TNS3: variants seen among roughly 807,000 people sequenced by gnomAD.
TNS3 encodes the protein tensin 3.
A neutral mutation model predicts 140.9 loss-of-function variants in TNS3; 45 were observed. The observed-to-expected ratio is 0.32, with a 90% CI of 0.25 to 0.41. The LOEUF (loss-of-function observed/expected upper bound fraction) is 0.41, where lower values mean the gene tolerates loss of function less well. Ranked by LOEUF, TNS3 falls within the 10% of genes least tolerant of loss-of-function variation. TNS3 has a pLI of 1.00. For missense variants in TNS3, 1,716 were observed against 1,906.7 expected, an observed-to-expected ratio of 0.90 and a Z score of 1.86; for synonymous variants, 815 against 788.4, an observed-to-expected ratio of 1.03 and a Z score of -0.56.
intron 10 of TNS3, among the ~76,000 whole-genome samples, chr7:47,421,148 G>T (rs1465627246): frequency 6.6e-6 from 1 of 152,172 alleles, no homozygotes; most frequent in Non-Finnish European, 1.5e-5. Context: ...AGAAACATGT[G>T]CTGCTGTCTC....
chr7:47,379,192 G>T (rs1346446048), intron 16 of TNS3, among the ~76,000 whole-genome samples: 1 of 152,188 alleles, frequency 6.6e-6, no homozygotes, highest in Non-Finnish European at 1.5e-5. Flanking sequence ...ATCCCTGGAG[G>T]CCTGGTAGGG....
chr7:47,472,450 C>T (rs961035360), intron 4 of TNS3, among the ~76,000 whole-genome samples: 2 of 152,216 alleles, frequency 1.3e-5, no homozygotes, highest in Non-Finnish European at 2.9e-5. Flanking sequence ...CCCTCCTTCA[C>T]TGGTACTCAC....
At chr7:47,395,627 G>A (rs919872076) in intron 16 of TNS3, among the ~76,000 whole-genome samples, 6 of 152,078 alleles carry the variant, frequency 3.9e-5, no homozygotes, top group East Asian at 1.9e-4. Context: ...TTCTTTTAAC[G>A]TGCTGGTTAT....
chr7:47,486,366 G>A (rs960609539), intron 3 of TNS3, among the ~76,000 whole-genome samples: 7 of 152,022 alleles, frequency 4.6e-5, no homozygotes, highest in African/African-American at 9.7e-5. Flanking sequence ...ATGTGAGAGC[G>A]TGTCTGTGTG....
chr7:47,567,177 C>A (rs1225594174), intron 1 of TNS3, among the ~76,000 whole-genome samples: 2 of 152,042 alleles, frequency 1.3e-5, no homozygotes, highest in Admixed American at 1.3e-4. Context: ...TCATACTGTG[C>A]AACAATCTAC....
intron 20 of TNS3, among the ~76,000 whole-genome samples, chr7:47,315,428 C>T (rs1356390605): frequency 2.6e-5 from 4 of 152,214 alleles, no homozygotes; most frequent in Admixed American, 2.0e-4. Context: ...GTCTATGCTC[C>T]TCTCCTCTCG....
At chr7:47,359,773 C>T (rs1287893945) in intron 17 of TNS3, among the ~76,000 whole-genome samples, 1 of 152,176 alleles carries the variant, frequency 6.6e-6, no homozygotes, top group Non-Finnish European at 1.5e-5. Flanking sequence ...TGACTTTCAT[C>T]TCAGAAGAGT....
At chr7:47,438,762 C>T (rs750486832) in intron 6 of TNS3, among the ~76,000 whole-genome samples, 3 of 152,182 alleles carry the variant, frequency 2.0e-5, no homozygotes, top group Admixed American at 6.5e-5. Context: ...GCAAGGAAGA[C>T]AATGAACACC....
chr7:47,542,427 T>C (rs1799812609), intron 1 of TNS3, among the ~76,000 whole-genome samples: 1 of 152,182 alleles, frequency 6.6e-6, no homozygotes, highest in South Asian at 2.1e-4. Context: ...ACAGAGCCAC[T>C]GTCCTGGCAG....
At chr7:47,294,368 C>T (rs17172848) in intron 24 of TNS3, among the ~76,000 whole-genome samples, 65,415 of 152,030 alleles carry the variant, frequency 0.43, 14,372 homozygotes, top group African/African-American at 0.47. Flanking sequence ...TTGCTATTAA[C>T]AGTAAACAGT....
Position 47,278,139 on chromosome 7 carries a change from C to G in TNS3, c.4275G>C (p.Gln1425His), listed in dbSNP as rs758896562. Reference protein sequence around the residue: ...CHLFAEHDPEQPASAIVNFVS... With the variant: ...CHLFAEHDPEHPASAIVNFVS... ...CGAAGTTGACAATGGCACTGGCAGG[C>G]TGCTCAGGGTCATGCTCTGCAAACA... Residue 1425 changes from glutamine (Q) to histidine (H), a missense_variant, in exon 31 of 31, where the codon CAG becomes CAC. Physicochemically the swap from Gln to His is conservative, Grantham distance 24 (BLOSUM62 0). Around this residue, in one of 3 missense-constraint regions of TNS3, gnomAD observed 216 missense variants for 295.7 expected, o/e 0.73. Transcript: ENST00000311160. 4 of 1,614,150 alleles carry G rather than the reference C, an allele frequency of 2.5e-6. No homozygotes were observed. The highest frequency in any genetic ancestry group is 1.7e-6 in the Non-Finnish European group (2 of 1,180,026).
intron 4 of TNS3, among the ~76,000 whole-genome samples, chr7:47,471,579 C>T (rs970739025): frequency 9.9e-5 from 15 of 152,234 alleles, no homozygotes; most frequent in African/African-American, 3.4e-4. Flanking sequence ...CTCACAATCC[C>T]GCCCAGTTCG....
At chr7:47,328,563 G>C (rs1788158784) in intron 20 of TNS3, among the ~76,000 whole-genome samples, 1 of 151,354 alleles carries the variant, frequency 6.6e-6, no homozygotes, top group South Asian at 2.1e-4. Flanking sequence ...CCAGCAACTA[G>C]CCAGAGAGGA....
Position 47,481,174 on chromosome 7 carries a change from G to A in TNS3, c.-114-33C>T, listed in dbSNP as rs563956533. 2.6e-5 allele frequency: 34 copies of A among 1,287,622 alleles called. No individual in the cohort carries two copies. The African/African-American group carries it at 4.7e-4, about 18-fold the overall frequency. 79.8% of individuals were successfully genotyped at this position (1,287,622 alleles called of 1,614,324 possible). A position where few individuals can be genotyped will look rare whatever the true frequency, so the allele number is the denominator to read the frequency against. On this transcript the variant is annotated intron_variant, in intron 3 of 30. Coordinates refer to ENST00000311160, the MANE Select transcript of TNS3 (RefSeq NM_022748.12). ...AGAGAGAAGAAACAGATAAGCAAAT[G>A]GATTCTCCAGGAAAAAATTAGCATA...
intron 16 of TNS3, among the ~76,000 whole-genome samples, chr7:47,373,507 T>C (rs904852192): frequency 3.9e-5 from 6 of 152,236 alleles, no homozygotes; most frequent in Admixed American, 1.3e-4. Flanking sequence ...CCGCCTGCCC[T>C]GTTCCTAGCA....
chr7:47,334,079 C>T (rs1788485117), intron 20 of TNS3, among the ~76,000 whole-genome samples: 1 of 152,128 alleles, frequency 6.6e-6, no homozygotes, highest in Non-Finnish European at 1.5e-5. Flanking sequence ...TGAAACCTAC[C>T]AAATCCAGGA....
At chr7:47,553,342 AGAG>A (rs1239278396) in intron 1 of TNS3, among the ~76,000 whole-genome samples, 9 of 152,244 alleles carry the variant, frequency 5.9e-5, no homozygotes, top group African/African-American at 1.9e-4. Flanking sequence ...TCATAGCCAG[AGAG>A]GAGAAGTCAA....
rs1426682985 is a variant in TNS3 at position 47,574,651 on chromosome 7, CCA to C, written c.-265+7398_-265+7399del. Among the ~76,000 whole-genome samples the C allele has an allele frequency of 4.7e-4, 64 of 136,880 alleles. 1 individual carries two copies. Among genetic ancestry groups the C allele is most frequent in the Admixed American group, 2.3e-3 (32 of 13,810 alleles). The allele number at this position is 136,880 out of a possible 152,430, so 89.8% of individuals were successfully genotyped here. ...GACACACACACACACACACACACCC[CCA>C]CACACACGGTATTATTCAGCCTTAA... On this transcript the variant is annotated intron_variant, in intron 1 of 30. Coordinates refer to ENST00000311160, the MANE Select transcript of TNS3 (RefSeq NM_022748.12).
At chr7:47,549,345 C>T (rs932256305) in intron 1 of TNS3, among the ~76,000 whole-genome samples, 5 of 151,980 alleles carry the variant, frequency 3.3e-5, no homozygotes, top group Admixed American at 1.3e-4. Flanking sequence ...ACCAAAAAAA[C>T]TTAGCCATGT....
Sources: allele counts gnomAD v4.1 joint callset (sites outside exome capture counted in the v4.1 genomes callset), GRCh38; gene constraint gnomAD v4.1.1; regional missense constraint gnomAD v4.1.1; transcripts MANE v1.5; gene names NCBI Gene and HGNC (gene_info 2026-07-23, HGNC 2026-07-21).